Variants in DOCK1 observed in about 807,000 individuals in gnomAD.
The protein encoded by DOCK1 is dedicator of cytokinesis protein 1.
DOCK1 carries 138 observed loss-of-function variants against 262.7 expected under a neutral mutation model. The observed-to-expected ratio is 0.53, with a 90% CI of 0.46 to 0.61. The LOEUF (loss-of-function observed/expected upper bound fraction) is 0.61. DOCK1 is among the 20% of genes least tolerant of loss of function. The pLI, the probability that DOCK1 is intolerant of heterozygous loss-of-function variation, is 0.00. For missense variants in DOCK1, 1,908 were observed against 2,370.7 expected (o/e 0.80, Z 4.05); for synonymous variants, 866 against 867.4 (o/e 1.00, Z 0.03).
chr10:127,297,725 C>G (rs549731923), intron 29 of DOCK1, among the ~76,000 whole-genome samples: 1 of 152,066 alleles, frequency 6.6e-6, no homozygotes, highest in African/African-American at 2.4e-5. Context: ...AAACATAAAC[C>G]AAACCCTCAT....
intron 16 of DOCK1, among the ~76,000 whole-genome samples, chr10:127,027,678 C>T (rs1026104155): frequency 4.6e-5 from 7 of 152,160 alleles, no homozygotes; most frequent in Non-Finnish European, 8.8e-5. Context: ...CCTTCTGGCA[C>T]GCTGCCTGGT....
chr10:127,128,373 C>A (rs997222932), intron 27 of DOCK1, among the ~76,000 whole-genome samples: 18 of 129,044 alleles, frequency 1.4e-4, no homozygotes, highest in African/African-American at 4.7e-4. Flanking sequence ...GTTATAATTT[C>A]TTTCCTTTTT....
chr10:127,398,930 G>T (rs1220351922), intron 38 of DOCK1, among the ~76,000 whole-genome samples: 2 of 152,192 alleles, frequency 1.3e-5, no homozygotes, highest in African/African-American at 4.8e-5. Flanking sequence ...CTCTACAGCT[G>T]CTTCTGTCTG....
At chr10:127,237,998 A>G (rs1237952583) in intron 27 of DOCK1, among the ~76,000 whole-genome samples, 4 of 152,222 alleles carry the variant, frequency 2.6e-5, no homozygotes. Context: ...TTATCCCTGC[A>G]TGTGTAAACT....
intron 26 of DOCK1, among the ~76,000 whole-genome samples, chr10:127,125,836 G>A (rs760748979): frequency 3.9e-5 from 6 of 151,944 alleles, no homozygotes; most frequent in Admixed American, 6.6e-5. Flanking sequence ...TCTTCTCGAC[G>A]AAATGTCTCT....
chr10:126,926,509 T>C (rs1265884782), intron 1 of DOCK1, among the ~76,000 whole-genome samples: 2 of 152,188 alleles, frequency 1.3e-5, no homozygotes, highest in Non-Finnish European at 2.9e-5. Context: ...TTAATAAACA[T>C]TCTATGCCAG....
At chr10:127,239,095 G>A (rs371080215) in intron 27 of DOCK1, among the ~76,000 whole-genome samples, 12 of 152,280 alleles carry the variant, frequency 7.9e-5, no homozygotes, top group East Asian at 7.7e-4. Context: ...AGAATTCCTC[G>A]TGGGTTCCCA....
intron 25 of DOCK1, among the ~76,000 whole-genome samples, chr10:127,112,980 C>A (rs1425973347): frequency 6.6e-6 from 1 of 152,172 alleles, no homozygotes; most frequent in Non-Finnish European, 1.5e-5. Flanking sequence ...ACCTCCTGGT[C>A]AGGAGAGATT....
At position 126,996,859 on chromosome 10, in the gene DOCK1, G is replaced by T. The variant is rs2040232738; in HGVS notation, c.585G>T (p.Val195=). 1 of 1,603,406 alleles carries T rather than the reference G, an allele frequency of 6.2e-7. No homozygotes were observed. Among genetic ancestry groups the T allele is most frequent in the Admixed American group, 1.7e-5 (1 of 57,734 alleles). The change falls in exon 7 of 52, where the codon GTG becomes GTT. Residue 195 remains valine, a synonymous_variant. Coordinates refer to ENST00000623213, the MANE Select transcript of DOCK1 (RefSeq NM_001290223.2). ...FRAHEIASKQ[V]EERLQEEKSQ... ...CTCATGAAATAGCTTCTAAACAAGT[G>T]GAGGAAAGGTTACAAGAGGAAAAAG...
chr10:126,919,816 T>C (rs1247953142), intron 1 of DOCK1, among the ~76,000 whole-genome samples: 1 of 152,212 alleles, frequency 6.6e-6, no homozygotes, highest in African/African-American at 2.4e-5. Flanking sequence ...CTTAATCCTG[T>C]TGCTTTCTCT....
At chr10:127,249,734 A>G (rs2059562144) in intron 28 of DOCK1, among the ~76,000 whole-genome samples, 1 of 152,220 alleles carries the variant, frequency 6.6e-6, no homozygotes, top group South Asian at 2.1e-4. Flanking sequence ...ACTGACATAT[A>G]CACAGTCTGT....
chr10:126,949,668 T>C (rs1163434832), intron 1 of DOCK1, among the ~76,000 whole-genome samples: 1 of 152,168 alleles, frequency 6.6e-6, no homozygotes, highest in East Asian at 1.9e-4. Context: ...TGTAGGCGTT[T>C]GACTGATGCA....
intron 5 of DOCK1, 76 bp downstream of exon 5, chr10:126,987,693 G>GT (rs549529994): frequency 3.3e-3 from 4,120 of 1,237,842 alleles, no homozygotes; most frequent in Non-Finnish European, 3.7e-3. Context: ...CCAATGGGAT[G>GT]TTTTTTTTTC....
intron 23 of DOCK1, among the ~76,000 whole-genome samples, chr10:127,084,114 A>G (rs1217680099): frequency 6.6e-6 from 1 of 152,204 alleles, no homozygotes; most frequent in Non-Finnish European, 1.5e-5. Context: ...TCCTTCACCC[A>G]TAATCTCCTG....
rs796705473 is a variant in DOCK1, at chr10:126,973,049, G to A, written c.130+2264G>A. On this transcript the variant is annotated intron_variant, in intron 2 of 51. Transcript: ENST00000623213. ...CTCATCTCAGACACTTTTCTGATTT[G>A]AAGGGAAATGCTCTTGTATCTTGTT... Among the ~76,000 whole-genome samples the A allele has an allele frequency of 3.0e-4, 45 of 152,078 alleles. 1 individual carries two copies. Among genetic ancestry groups the A allele is most frequent in the African/African-American group, 9.9e-4 (41 of 41,486 alleles).
At chr10:127,247,135 G>C (rs1041832068) in intron 27 of DOCK1, among the ~76,000 whole-genome samples, 2 of 152,136 alleles carry the variant, frequency 1.3e-5, no homozygotes, top group African/African-American at 4.8e-5. Flanking sequence ...GCAAACAAAC[G>C]TGTGCACACC....
rs561280304 is a variant in DOCK1 at position 127,353,216 on chromosome 10, C to A, written c.3225-1453C>A. On this transcript the variant is annotated intron_variant, in intron 31 of 51. Transcript: ENST00000623213. ...ACAGTTTTGCTTTCTGTGTGTCCCACCCCTGGGAAATGCTGCAAGGACGTC... is the reference window on the plus strand; with the variant it reads ...ACAGTTTTGCTTTCTGTGTGTCCCAACCCTGGGAAATGCTGCAAGGACGTC... Among the ~76,000 whole-genome samples, 3 of 152,286 alleles carry A rather than the reference C, an allele frequency of 2.0e-5. No homozygotes were observed. The South Asian group carries it at 6.2e-4, about 32-fold the overall frequency.
At chr10:127,054,620 T>A (rs2045007429) in intron 22 of DOCK1, among the ~76,000 whole-genome samples, 1 of 152,336 alleles carries the variant, frequency 6.6e-6, no homozygotes, top group Non-Finnish European at 1.5e-5. Flanking sequence ...GAAAATGAAC[T>A]TCCTGGCCCC....
Position 127,012,641 on chromosome 10 carries a change from G to A in DOCK1, c.1201+267G>A, listed in dbSNP as rs1040937469. 2.0e-5 allele frequency among the ~76,000 whole-genome samples: 3 copies of A among 152,266 alleles called. No individual in the cohort carries two copies. Among genetic ancestry groups the A allele is most frequent in the South Asian group, 2.1e-4 (1 of 4,820 alleles). On this transcript the variant is annotated intron_variant, in intron 12 of 51. Coordinates refer to ENST00000623213, the MANE Select transcript of DOCK1 (RefSeq NM_001290223.2). The surrounding 1 kb of genome is among the most constrained non-coding windows in gnomAD (Gnocchi z 4.0). ...TAGAAGTTTAGAGGAACATGCAGGC[G>A]GTAGGCGTAACTCCCTCTGCCCGTG...
Sources: gnomAD v4.1 joint callset for allele counts (sites outside exome capture counted in the v4.1 genomes callset) on GRCh38, gnomAD v4.1.1 for gene constraint, Gnocchi (gnomAD v3.1) non-coding constraint, MANE v1.5 for transcripts, NCBI Gene and HGNC (gene_info 2026-07-23, HGNC 2026-07-21) for gene names.